DNAH10: variants seen among roughly 807,000 people sequenced by gnomAD.
The protein encoded by DNAH10 is axonemal beta dynein heavy chain 10.
DNAH10 carries 348 observed loss-of-function variants against 506.6 expected under a neutral mutation model. That is an observed-to-expected ratio of 0.69 (90% confidence interval 0.63 to 0.75). The LOEUF is 0.75. Ranked by LOEUF, DNAH10 falls within the 30% of genes least tolerant of loss-of-function variation. DNAH10 has a pLI of 0.00. For missense variants in DNAH10, 5,179 were observed against 5,787.1 expected (o/e 0.89, Z 3.41); for synonymous variants, 2,059 against 2,198.6 (o/e 0.94, Z 1.78).
At position 123,835,258 on chromosome 12, in the gene DNAH10, C is replaced by T. The variant is rs1354646219; in HGVS notation, c.4780-148C>T. ...TCATTTGGAGTGGAGGGGAGCTGGC[C>T]ATGCAGATGCTCACTCTGTCACCTT... is the stretch of plus-strand genomic sequence containing the variant. On this transcript the variant is annotated intron_variant, in intron 27 of 78. Transcript: ENST00000673944. 11 of 782,430 alleles carry T rather than the reference C, an allele frequency of 1.4e-5. No individual in the cohort carries two copies. In the East Asian group the frequency reaches 3.1e-4, roughly 22 times the overall value. 48.5% of individuals were successfully genotyped at this position (782,430 alleles called of 1,614,324 possible).
chr12:123,921,394 G>A (rs115675501), intron 65 of DNAH10, among the ~76,000 whole-genome samples: 78 of 152,312 alleles, frequency 5.1e-4, no homozygotes, highest in African/African-American at 1.6e-3. Context: ...GTGTTCCCCC[G>A]TCCAGAGACC....
chr12:123,773,635 A>G (rs1358689664), intron 4 of DNAH10, among the ~76,000 whole-genome samples: 2 of 152,132 alleles, frequency 1.3e-5, no homozygotes, highest in Non-Finnish European at 2.9e-5. Flanking sequence ...ACCTTCTCCT[A>G]TCCTCCCATG....
In DNAH10 at chr12:123,783,151, G is replaced by A; in HGVS notation, c.886G>A (p.Val296Met). Reference protein sequence around the residue: ...EMPIISVEGEVSDLAADPETV... With the variant: ...EMPIISVEGEMSDLAADPETV... Reference sequence around the variant, plus strand: ...GCCAATCATCAGTGTGGAGGGAGAGGTGTCTGACCTGGCAGCTGACCCGGA... The same window carrying A: ...GCCAATCATCAGTGTGGAGGGAGAGATGTCTGACCTGGCAGCTGACCCGGA... Residue 296 changes from valine to methionine, a missense_variant, in exon 7 of 79, where the codon GTG (valine) becomes ATG (methionine). Physicochemically the swap from Val to Met is conservative, Grantham distance 21 (BLOSUM62 1). Transcript: ENST00000673944. 1 of 1,614,190 alleles carries A rather than the reference G, an allele frequency of 6.2e-7. No individual in the cohort carries two copies. The highest frequency in any genetic ancestry group is 2.2e-5 in the East Asian group (1 of 44,886).
chr12:123,851,775 C>G (rs1415805843), intron 35 of DNAH10, among the ~76,000 whole-genome samples: 1 of 152,154 alleles, frequency 6.6e-6, no homozygotes, highest in Non-Finnish European at 1.5e-5. Flanking sequence ...ATTCCATCAC[C>G]ACGACCACAA....
rs765085145 is a variant in DNAH10 at position 123,914,860 on chromosome 12, C to T, written c.10583C>T (p.Ser3528Phe). The stretch of plus-strand genomic sequence containing the variant: ...ATGGCTGTTTCTTCCAGATGGGGAT[C>T]CCAGGGCCTTCCCCCCGATGAGCTC... ...TDDVEISRWG[S>F]QGLPPDELSV... The change falls in exon 62 of 79, where the codon TCC becomes TTC. Residue 3528 changes from serine to phenylalanine, a missense_variant. Coordinates refer to ENST00000673944, the MANE Select transcript of DNAH10 (RefSeq NM_001372106.1). 2 of 1,613,132 alleles carry T rather than the reference C, an allele frequency of 1.2e-6. No individual in the cohort carries two copies. The highest frequency in any genetic ancestry group is 4.5e-5 in the East Asian group (2 of 44,886).
chr12:123,845,247 C>T (rs549368474), intron 30 of DNAH10, among the ~76,000 whole-genome samples: 1 of 152,330 alleles, frequency 6.6e-6, no homozygotes, highest in East Asian at 1.9e-4. Flanking sequence ...GATCCTCTTC[C>T]TTGGCCTCCC....
At chr12:123,772,500 C>A (rs766055032) in intron 3 of DNAH10, among the ~76,000 whole-genome samples, 1 of 152,234 alleles carries the variant, frequency 6.6e-6, no homozygotes, top group African/African-American at 2.4e-5. Context: ...AGCATTCAGC[C>A]TGGCCTATGC....
intron 65 of DNAH10, among the ~76,000 whole-genome samples, chr12:123,921,310 C>T (rs556350205): frequency 4.9e-4 from 75 of 152,240 alleles, no homozygotes; most frequent in Non-Finnish European, 5.1e-4. Flanking sequence ...AGAAGGCTGT[C>T]GATTTCAGCA....
chr12:123,896,130 CACACACACACACACACACAGAG>C (rs1217081133), intron 54 of DNAH10, among the ~76,000 whole-genome samples: 16 of 111,148 alleles, frequency 1.4e-4, no homozygotes, highest in African/African-American at 6.9e-4. Context: ...CACACACACA[CACACACACACACACACACAGAG>C]AGAGAGAGAG....
Position 123,933,327 on chromosome 12 carries a change from C to A in DNAH10, c.13297-4C>A. 6.4e-7 allele frequency: 1 copy of A among 1,551,484 alleles called. No individual in the cohort carries two copies. The highest frequency in any genetic ancestry group is 2.4e-5 in the East Asian group (1 of 41,548). Reference sequence around the variant, plus strand: ...TCCCAGCACTTGTCCTCTCTTCTCTCCAGGTGACCGAGAGCGAGCCCAGCG... The same window carrying A: ...TCCCAGCACTTGTCCTCTCTTCTCTACAGGTGACCGAGAGCGAGCCCAGCG... On this transcript the variant is annotated splice_region_variant and splice_polypyrimidine_tract_variant and intron_variant, in intron 76 of 78. Transcript: ENST00000673944.
At chr12:123,908,253 C>G (rs1356623424) in intron 57 of DNAH10, 5 of 441,374 alleles carry the variant, frequency 1.1e-5, no homozygotes, top group South Asian at 8.1e-5. Context: ...CTCTCTGTCT[C>G]CTCCCTGTCT....
Position 123,835,540 on chromosome 12 carries a change from G to T in DNAH10, c.4902+12G>T. On this transcript the variant is annotated intron_variant, in intron 28 of 78. Coordinates refer to ENST00000673944, the MANE Select transcript of DNAH10 (RefSeq NM_001372106.1). The stretch of plus-strand genomic sequence containing the variant: ...AAGTATTTAAAAGGGCAAGTGACTC[G>T]CTTCTATTTTAGTAATGAAAGAAGG... The T allele has an allele frequency of 2.5e-6, 4 of 1,602,878 alleles. No homozygotes were observed. Among genetic ancestry groups the T allele is most frequent in the Middle Eastern group, 1.7e-4 (1 of 6,038 alleles).
At position 123,849,222 on chromosome 12, in the gene DNAH10, A is replaced by T. The variant is rs1951070695; in HGVS notation, c.6102+340A>T. On this transcript the variant is annotated intron_variant, in intron 34 of 78. Transcript: ENST00000673944. ...TCCCAAGTTTGAGAAAACCTGACTT[A>T]GAAAGCGAATGTTCCTTGCAATCAT... Among the ~76,000 whole-genome samples, 2 of 152,226 alleles carry T rather than the reference A, an allele frequency of 1.3e-5. 1 individual carries two copies. The highest frequency in any genetic ancestry group is 4.1e-4 in the South Asian group (2 of 4,832).
At chr12:123,858,021 T>C (rs761998467) in intron 37 of DNAH10, among the ~76,000 whole-genome samples, 3 of 152,226 alleles carry the variant, frequency 2.0e-5, no homozygotes, top group African/African-American at 7.2e-5. Context: ...ATCCATGTTG[T>C]GGCATGTGTC....
intron 36 of DNAH10, among the ~76,000 whole-genome samples, chr12:123,855,469 C>A (rs911780988): frequency 6.6e-6 from 1 of 151,486 alleles, no homozygotes; most frequent in Non-Finnish European, 1.5e-5. Flanking sequence ...CAAACAAATA[C>A]CCAAAACTAA....
intron 16 of DNAH10, among the ~76,000 whole-genome samples, chr12:123,802,345 G>T (rs1958508237): frequency 6.6e-6 from 1 of 152,088 alleles, no homozygotes; most frequent in African/African-American, 2.4e-5. Context: ...CGCTCTTGTT[G>T]TCCAGGCTGG....
At position 123,903,994 on chromosome 12, in the gene DNAH10, C is replaced by T. The variant is rs555965238; in HGVS notation, c.9815+881C>T. On this transcript the variant is annotated intron_variant, in intron 57 of 78. Coordinates refer to ENST00000673944, the MANE Select transcript of DNAH10 (RefSeq NM_001372106.1). The surrounding 1 kb of genome is among the most constrained non-coding windows in gnomAD (Gnocchi z 4.6). Reference sequence around the variant, plus strand: ...CTTCCATTCTGGGCTCCCGCTGGAGCGGTGCATGTTCCCTGTGCTTCCTAT... The same window carrying T: ...CTTCCATTCTGGGCTCCCGCTGGAGTGGTGCATGTTCCCTGTGCTTCCTAT... Among the ~76,000 whole-genome samples, 3 of 152,174 alleles carry T rather than the reference C, an allele frequency of 2.0e-5. No homozygotes were observed. The highest frequency in any genetic ancestry group is 4.1e-4 in the South Asian group (2 of 4,830).
At chr12:123,789,727 G>T (rs996805489) in intron 10 of DNAH10, among the ~76,000 whole-genome samples, 200 bp from the exon 11 acceptor site, 1 of 152,116 alleles carries the variant, frequency 6.6e-6, no homozygotes, top group South Asian at 2.1e-4. Flanking sequence ...GCTGCAATGT[G>T]GGGAGGAACA....
chr12:123,918,758 G>T lies in DNAH10; in HGVS notation c.11315G>T (p.Arg3772Met). The T allele has an allele frequency of 6.2e-7, 1 of 1,608,706 alleles. No individual in the cohort carries two copies. The highest frequency in any genetic ancestry group is 1.1e-5 in the South Asian group (1 of 90,710). Reference sequence around the variant, plus strand: ...GATGGCTACCGGCCAGCAGCCAGGAGGGGGGCCATCCTGTTCTTCGTCCTG... The same window carrying T: ...GATGGCTACCGGCCAGCAGCCAGGATGGGGGCCATCCTGTTCTTCGTCCTG... The part of the protein sequence containing the change: ...LRDGYRPAAR[R>M]GAILFFVLSE... Residue 3772 changes from arginine to methionine, a missense_variant, in exon 65 of 79, where the codon AGG becomes ATG. Physicochemically the swap from Arg to Met is moderately conservative, Grantham distance 91. Transcript: ENST00000673944.
Sources: gnomAD v4.1 joint callset for allele counts (sites outside exome capture counted in the v4.1 genomes callset) on GRCh38, gnomAD v4.1.1 for gene constraint, Gnocchi (gnomAD v3.1) non-coding constraint, MANE v1.5 for transcripts, NCBI Gene and HGNC (gene_info 2026-07-23, HGNC 2026-07-21) for gene names.